ZNF236: variants seen among roughly 807,000 people sequenced by gnomAD.
The protein encoded by ZNF236 is regulated by glucose.
ZNF236 carries 50 observed loss-of-function variants against 191.2 expected under a neutral mutation model. The observed-to-expected ratio is 0.26, with a 90% CI of 0.21 to 0.33. ZNF236 has a LOEUF of 0.33. Ranked by LOEUF, ZNF236 falls within the 10% of genes least tolerant of loss-of-function variation. ZNF236 has a pLI of 1.00. For missense variants in ZNF236, 1,754 were observed against 2,374.5 expected, an observed-to-expected ratio of 0.74 and a Z score of 5.43; for synonymous variants, 907 against 928.8, an observed-to-expected ratio of 0.98 and a Z score of 0.43.
At chr18:76,954,537 G>A (rs1214679888) in intron 27 of ZNF236, among the ~76,000 whole-genome samples, 1 of 152,178 alleles carries the variant, frequency 6.6e-6, no homozygotes, top group East Asian at 1.9e-4. Context: ...TTTATGCAGT[G>A]ACCTCAACAG....
chr18:76,884,770 C>T (rs1977000556), intron 9 of ZNF236, among the ~76,000 whole-genome samples: 1 of 152,210 alleles, frequency 6.6e-6, no homozygotes, highest in Non-Finnish European at 1.5e-5. Flanking sequence ...GCTTTTTAAA[C>T]ATTCACTGTA....
Position 76,822,606 on chromosome 18 carries a change from C to G in ZNF236, c.-2C>G, listed in dbSNP as rs1348403088. ...GTGTGGGTGCGAGCCGGGCCGCCGACGATGCCGCGGGGCCGCCCCCCGAAG... is the reference window on the plus strand; with the variant it reads ...GTGTGGGTGCGAGCCGGGCCGCCGAGGATGCCGCGGGGCCGCCCCCCGAAG... On this transcript the variant is annotated 5_prime_UTR_variant, in exon 1 of 31. Transcript: ENST00000320610. 2 of 152,180 alleles carry G rather than the reference C, an allele frequency of 1.3e-5. No individual in the cohort carries two copies. The highest frequency in any genetic ancestry group is 2.9e-5 in the Non-Finnish European group (2 of 69,392). The allele number at this position is 152,180 out of a possible 1,614,324, so 9.4% of individuals were successfully genotyped here. A position where few individuals can be genotyped will look rare whatever the true frequency, so the allele number is the denominator to read the frequency against.
At position 76,868,698 on chromosome 18, in the gene ZNF236, C is replaced by T; in HGVS notation, c.377C>T (p.Ser126Phe). The change falls in exon 4 of 31, where the codon TCT (serine) becomes TTT (phenylalanine). Residue 126 changes from serine to phenylalanine, a missense_variant. Physicochemically the swap from Ser to Phe is radical, Grantham distance 155. Around this residue, in one of 5 missense-constraint regions of ZNF236, gnomAD observed 336 missense variants for 495.1 expected, o/e 0.68. Coordinates refer to ENST00000320610, the MANE Select transcript of ZNF236 (RefSeq NM_001306089.2). ...LHEKEENLIC[S>F]ECGDEFTLQS... ...TTTCTCTTCCAGAATCTCATCTGTTCTGAGTGTGGGGATGAGTTTACTCTG... is the reference window on the plus strand; with the variant it reads ...TTTCTCTTCCAGAATCTCATCTGTTTTGAGTGTGGGGATGAGTTTACTCTG... The T allele has an allele frequency of 1.2e-6, 2 of 1,610,528 alleles. No individual in the cohort carries two copies. The highest frequency in any genetic ancestry group is 4.5e-5 in the East Asian group (2 of 44,806).
At chr18:76,933,537 C>T (rs560787574) in intron 25 of ZNF236, among the ~76,000 whole-genome samples, 34 of 150,064 alleles carry the variant, frequency 2.3e-4, no homozygotes, top group African/African-American at 8.3e-4. Context: ...TCTTAGGCTA[C>T]TTTAGCTTAT....
chr18:76,955,949 A>C, intron 27 of ZNF236, 36 bp from the exon 28 acceptor site: 1 of 1,587,004 alleles, frequency 6.3e-7, no homozygotes, highest in Non-Finnish European at 8.6e-7. Flanking sequence ...AATCAAGCCA[A>C]GTGAGTGGAA....
Position 76,925,419 on chromosome 18 carries a change from G to T in ZNF236, c.3892G>T (p.Val1298Leu). Reference protein sequence around the residue: ...TRSSSEGLQPVNLLNSSSTDP... With the variant: ...TRSSSEGLQPLNLLNSSSTDP... ...AAGCTCATCGGAAGGACTGCAGCCT[G>T]TAAACCTCCTCAACTCCTCCTCTAC... Residue 1298 changes from valine (V) to leucine (L), a missense_variant, in exon 22 of 31, where the codon GTA (valine) becomes TTA (leucine). Physicochemically the swap from Val to Leu is conservative, Grantham distance 32. Around this residue, in one of 5 missense-constraint regions of ZNF236, gnomAD observed 606 missense variants for 761.5 expected, o/e 0.80. Coordinates refer to ENST00000320610, the MANE Select transcript of ZNF236 (RefSeq NM_001306089.2). This position sits in a 1 kb window ranked among gnomAD's most constrained non-coding sequence, Gnocchi z 5.7. 1.2e-6 allele frequency: 2 copies of T among 1,614,202 alleles called. No individual in the cohort carries two copies. Among genetic ancestry groups the T allele is most frequent in the Non-Finnish European group, 1.7e-6 (2 of 1,180,046 alleles).
rs117420015 is a variant in ZNF236, at chr18:76,896,036, A to G, written c.1690+751A>G. On this transcript the variant is annotated intron_variant, in intron 10 of 30. Transcript: ENST00000320610. ...ACAGTACCAAACACAGGTACTGCAC[A>G]TGGGTACTAAACTCAGTATCAAGCA... Among the ~76,000 whole-genome samples the G allele has an allele frequency of 5.7e-4, 86 of 152,124 alleles. No individual in the cohort carries two copies. The East Asian group carries it at 6.0e-3, about 11-fold the overall frequency.
intron 30 of ZNF236, among the ~76,000 whole-genome samples, chr18:76,962,868 A>T (rs1003164764): frequency 8.6e-5 from 13 of 151,718 alleles, no homozygotes; most frequent in African/African-American, 2.9e-4. Flanking sequence ...CCTTGATTTG[A>T]TTCTCAGCTT....
At chr18:76,915,505 T>A (rs985915832) in intron 18 of ZNF236, 142 bp from the exon 19 acceptor site, 2 of 752,636 alleles carry the variant, frequency 2.7e-6, no homozygotes, top group Admixed American at 2.9e-5. Context: ...TTACTTTTTT[T>A]TTTTTTTAAC....
At chr18:76,827,477 G>T (rs12456297) in intron 1 of ZNF236, among the ~76,000 whole-genome samples, 27,558 of 152,190 alleles carry the variant, frequency 0.18, 2,672 homozygotes, top group East Asian at 0.37. Flanking sequence ...GAGCCACCGT[G>T]CCTGGCTGAA....
chr18:76,836,909 T>C (rs1975346644), intron 1 of ZNF236, among the ~76,000 whole-genome samples: 1 of 152,024 alleles, frequency 6.6e-6, no homozygotes, highest in South Asian at 2.1e-4. Context: ...ACAGTCTTGC[T>C]CTGATGCCCA....
intron 10 of ZNF236, 139 bp from the exon 11 acceptor site, chr18:76,898,880 A>G: frequency 1.4e-6 from 1 of 713,328 alleles, no homozygotes; most frequent in East Asian, 2.7e-5. Context: ...ATAATTTACA[A>G]TATCCATTAA....
At chr18:76,823,607 T>A (rs1974929836) in intron 1 of ZNF236, among the ~76,000 whole-genome samples, 1 of 152,218 alleles carries the variant, frequency 6.6e-6, no homozygotes, top group Non-Finnish European at 1.5e-5. Context: ...GCTAAAGTCA[T>A]GAAATAACTC....
chr18:76,927,425 C>T lies in ZNF236; in HGVS notation c.4322C>T (p.Ser1441Leu). Residue 1441 changes from serine (S) to leucine (L), a missense_variant, in exon 24 of 31, where the codon TCA becomes TTA. Transcript: ENST00000320610. The surrounding 1 kb of genome is among the most constrained non-coding windows in gnomAD (Gnocchi z 5.4). The part of the protein sequence containing the change: ...VPASVVIQPI[S>L]GLSLQPTVTS... ...GCCAGTGTTGTCATCCAGCCCATCT[C>T]AGGCCTGTCCTTACAGCCCACAGTG... The T allele has an allele frequency of 1.2e-6, 2 of 1,614,224 alleles. No individual in the cohort carries two copies. Among genetic ancestry groups the T allele is most frequent in the Non-Finnish European group, 8.5e-7 (1 of 1,180,036 alleles).
chr18:76,897,356 A>C (rs1311774524), intron 10 of ZNF236, among the ~76,000 whole-genome samples: 1 of 151,764 alleles, frequency 6.6e-6, no homozygotes, highest in Non-Finnish European at 1.5e-5. Flanking sequence ...AGTAATAAAC[A>C]GTACTGCACA....
chr18:76,903,623 T>A (rs1977662514), intron 11 of ZNF236, among the ~76,000 whole-genome samples: 1 of 152,122 alleles, frequency 6.6e-6, no homozygotes, highest in African/African-American at 2.4e-5. Context: ...CCAAGGCTGA[T>A]TAGAGGACTG....
At chr18:76,861,605 G>A (rs1976226976) in intron 3 of ZNF236, among the ~76,000 whole-genome samples, 1 of 152,172 alleles carries the variant, frequency 6.6e-6, no homozygotes, top group Non-Finnish European at 1.5e-5. Flanking sequence ...TGCATTTTGT[G>A]TTTGATTTTT....
intron 3 of ZNF236, among the ~76,000 whole-genome samples, chr18:76,868,305 G>A (rs919094739): frequency 6.6e-6 from 1 of 152,110 alleles, no homozygotes; most frequent in Non-Finnish European, 1.5e-5. Flanking sequence ...ATCTTACTTT[G>A]AATTCTTTCC....
intron 1 of ZNF236, among the ~76,000 whole-genome samples, chr18:76,844,470 G>T (rs1353912552): frequency 6.6e-6 from 1 of 152,150 alleles, no homozygotes; most frequent in African/African-American, 2.4e-5. Context: ...ACTGACAGCA[G>T]AGTGAGGAAG....
Sources: allele counts gnomAD v4.1 joint callset (sites outside exome capture counted in the v4.1 genomes callset), GRCh38; gene constraint gnomAD v4.1.1; regional missense constraint gnomAD v4.1.1; non-coding constraint Gnocchi (gnomAD v3.1); transcripts MANE v1.5; gene names NCBI Gene and HGNC (gene_info 2026-07-23, HGNC 2026-07-21).